The following CEP128 variants were observed in gnomAD, a reference collection of about 807,000 sequenced individuals.
CEP128 encodes centrosomal protein 128kDa.
In CEP128, 132 loss-of-function variants were observed where a neutral mutation model predicts 156.7. The observed-to-expected ratio is 0.84, with a 90% confidence interval of 0.73 to 0.97. The LOEUF is 0.97. Ranked by LOEUF, CEP128 falls within the 50% of genes least tolerant of loss-of-function variation. The pLI is 0.00. For missense variants in CEP128, 1,252 were observed against 1,281.9 expected (o/e 0.98, Z 0.36); for synonymous variants, 469 against 448.9 (o/e 1.04, Z -0.57).
chr14:80,792,609 G>C (rs1018014619), intron 14 of CEP128, 151 bp downstream of exon 14: 22 of 628,722 alleles, frequency 3.5e-5, no homozygotes, highest in Non-Finnish European at 5.7e-5. Context: ...ATTAACTTTT[G>C]TACTTTGAAA....
intron 9 of CEP128, among the ~76,000 whole-genome samples, chr14:80,846,947 T>G (rs1184518991): frequency 3.3e-5 from 5 of 152,188 alleles, no homozygotes; most frequent in Admixed American, 3.3e-4. Flanking sequence ...ACTGGAATAT[T>G]CTTTAATCCA....
intron 13 of CEP128, among the ~76,000 whole-genome samples, chr14:80,822,110 G>A (rs1566651238): frequency 6.6e-6 from 1 of 152,100 alleles, no homozygotes; most frequent in Non-Finnish European, 1.5e-5. Context: ...ATCTGGGTGG[G>A]GACAGAGCCA....
chr14:80,818,532 G>A (rs1165653894), intron 13 of CEP128, among the ~76,000 whole-genome samples: 1 of 152,136 alleles, frequency 6.6e-6, no homozygotes, highest in Non-Finnish European at 1.5e-5. Flanking sequence ...GGCTAGACCA[G>A]TGGATTAATA....
chr14:80,815,456 A>G (rs1421479059), intron 13 of CEP128, among the ~76,000 whole-genome samples: 1 of 152,230 alleles, frequency 6.6e-6, no homozygotes, highest in Non-Finnish European at 1.5e-5. Flanking sequence ...CAATGCTGGT[A>G]CACTGTTGAT....
In CEP128 at chr14:80,738,248, C is replaced by T. The variant is rs118106440; in HGVS notation, c.2806+4827G>A. On this transcript the variant is annotated intron_variant, in intron 19 of 24. Coordinates refer to ENST00000555265, the MANE Select transcript of CEP128 (RefSeq NM_152446.5). ...CATGTTAGAAAAGATACCTACAGTTCGAGAGTCCCTCCGTTATTTCTGTCC... is the reference window on the plus strand; with the variant it reads ...CATGTTAGAAAAGATACCTACAGTTTGAGAGTCCCTCCGTTATTTCTGTCC... Among the ~76,000 whole-genome samples the T allele has an allele frequency of 3.0e-3, 459 of 152,208 alleles. 3 individuals are homozygous for T. The highest frequency in any genetic ancestry group is 0.014 in the Middle Eastern group (4 of 294).
rs1455673066 is a variant in CEP128, at chr14:80,785,305, T to A, written c.1801A>T (p.Ile601Phe). The A allele has an allele frequency of 1.9e-6, 3 of 1,614,178 alleles. No individual in the cohort carries two copies. Among genetic ancestry groups the A allele is most frequent in the Non-Finnish European group, 8.5e-7 (1 of 1,180,026 alleles). Residue 601 changes from isoleucine to phenylalanine, a missense_variant, in exon 15 of 25, where the codon ATC becomes TTC. Transcript: ENST00000555265. ...TTCTCAACTTTCATCTGGCTTTGGA[T>A]CTTACTCTGCTTTTTCAATTCGCTC... ...LESELKKQSK[I>F]QSQMKVEKAH...
intron 19 of CEP128, among the ~76,000 whole-genome samples, chr14:80,654,350 TAC>T (rs1895040291): frequency 6.6e-6 from 1 of 152,140 alleles, no homozygotes; most frequent in South Asian, 2.1e-4. Flanking sequence ...GCTTGGGAGA[TAC>T]AGTTTTTATT....
chr14:80,775,315 C>T (rs1900731713), intron 16 of CEP128, among the ~76,000 whole-genome samples: 1 of 152,172 alleles, frequency 6.6e-6, no homozygotes, highest in Non-Finnish European at 1.5e-5. Flanking sequence ...GAGAAAGTCC[C>T]TATCTGTAGT....
chr14:80,625,842 T>TC (rs1384377255), intron 19 of CEP128, among the ~76,000 whole-genome samples: 4 of 148,484 alleles, frequency 2.7e-5, no homozygotes, highest in Non-Finnish European at 6.0e-5. Context: ...TCTTTCTTTT[T>TC]TCTCTTTCTT....
At chr14:80,779,936 A>T (rs1901014045) in intron 15 of CEP128, among the ~76,000 whole-genome samples, 1 of 152,248 alleles carries the variant, frequency 6.6e-6, no homozygotes, top group South Asian at 2.1e-4. Context: ...TCAAATGGTC[A>T]GCAAATGGCA....
chr14:80,568,758 C>A (rs1475113768), intron 20 of CEP128, among the ~76,000 whole-genome samples: 1 of 152,054 alleles, frequency 6.6e-6, no homozygotes, highest in African/African-American at 2.4e-5. Flanking sequence ...AGATTATCTG[C>A]CCTCTGATTA....
intron 19 of CEP128, among the ~76,000 whole-genome samples, chr14:80,685,718 G>C (rs1896499430): frequency 6.6e-6 from 1 of 152,024 alleles, no homozygotes; most frequent in South Asian, 2.1e-4. Flanking sequence ...TATACTATAA[G>C]GCTGCAGTAA....
intron 21 of CEP128, among the ~76,000 whole-genome samples, chr14:80,549,142 A>T (rs148547668): frequency 2.0e-5 from 3 of 152,288 alleles, no homozygotes; most frequent in African/African-American, 7.2e-5. Flanking sequence ...AGAAAGGAGA[A>T]TGTCTAGATT....
intron 19 of CEP128, among the ~76,000 whole-genome samples, chr14:80,708,446 G>A (rs1323352831): frequency 1.3e-5 from 2 of 151,974 alleles, no homozygotes; most frequent in East Asian, 1.9e-4. Flanking sequence ...CCTCTTGTCT[G>A]TGATAAGACT....
At chr14:80,606,308 G>A (rs1415685888) in intron 19 of CEP128, among the ~76,000 whole-genome samples, 1 of 152,002 alleles carries the variant, frequency 6.6e-6, no homozygotes, top group Admixed American at 6.6e-5. Context: ...AAGGTATTTT[G>A]CCTTTTTTGC....
intron 19 of CEP128, among the ~76,000 whole-genome samples, chr14:80,649,951 A>T (rs1440529768): frequency 6.6e-6 from 1 of 152,154 alleles, no homozygotes; most frequent in East Asian, 1.9e-4. Context: ...AATTCTGTGA[A>T]GAGAGTCAAT....
Position 80,785,062 on chromosome 14 carries a change from T to A in CEP128, c.2044A>T (p.Ile682Phe). Residue 682 changes from isoleucine to phenylalanine, a missense_variant, in exon 15 of 25, where the codon ATC (isoleucine) becomes TTC (phenylalanine). Ile to Phe is a conservative substitution (Grantham distance 21). Coordinates refer to ENST00000555265, the MANE Select transcript of CEP128 (RefSeq NM_152446.5). ...AKSRDEETAT[I>F]ITQLKLERDV... ...CGTTCCAGCTTTAACTGTGTGATGA[T>A]TGTAGCTGTTTCTTCATCCCTGGAT... The A allele has an allele frequency of 6.2e-7, 1 of 1,614,228 alleles. No homozygotes were observed. Among genetic ancestry groups the A allele is most frequent in the South Asian group, 1.1e-5 (1 of 91,086 alleles).
chr14:80,534,372 T>C (rs1024104715), intron 21 of CEP128, among the ~76,000 whole-genome samples: 1 of 152,186 alleles, frequency 6.6e-6, no homozygotes, highest in Non-Finnish European at 1.5e-5. Context: ...AATAAGAAAC[T>C]TGCTGTATTT....
intron 19 of CEP128, among the ~76,000 whole-genome samples, chr14:80,627,510 A>G (rs1893779576): frequency 6.6e-6 from 1 of 152,218 alleles, no homozygotes; most frequent in African/African-American, 2.4e-5. Context: ...GTAGATGTTC[A>G]ATTAACATTT....
Sources: allele counts gnomAD v4.1 joint callset (sites outside exome capture counted in the v4.1 genomes callset), GRCh38; gene constraint gnomAD v4.1.1; transcripts MANE v1.5; gene names NCBI Gene and HGNC (gene_info 2026-07-23, HGNC 2026-07-21).